PKHD1: variants seen among roughly 807,000 people sequenced by gnomAD.
PKHD1 encodes the protein PKHD1 ciliary IPT domain containing fibrocystin/polyductin.
Under a neutral mutation model 412.0 loss-of-function variants are expected in PKHD1, and 291 were observed. The ratio of observed to expected loss-of-function variants is 0.71; its 90% CI spans 0.64 to 0.78. The LOEUF is 0.78. Ranked by LOEUF, PKHD1 falls within the 30% of genes least tolerant of loss-of-function variation. PKHD1 has a pLI of 0.00. For missense variants in PKHD1, 4,825 were observed against 4,950.7 expected (o/e 0.97, Z 0.76); for synonymous variants, 1,777 against 1,821.5 (o/e 0.98, Z 0.62).
intron 60 of PKHD1, among the ~76,000 whole-genome samples, chr6:51,663,517 A>G (rs1366635653): frequency 1.3e-5 from 2 of 152,174 alleles, no homozygotes; most frequent in Admixed American, 6.5e-5. Context: ...CTTAAGGGTT[A>G]TCTCTTCAGG....
intron 50 of PKHD1, among the ~76,000 whole-genome samples, chr6:51,837,524 T>C (rs995250598): frequency 1.5e-4 from 23 of 152,082 alleles, no homozygotes; most frequent in African/African-American, 5.5e-4. Flanking sequence ...CTGGCCAACA[T>C]GGTAAAACCC....
At chr6:51,639,729 T>C (rs188599685) in intron 63 of PKHD1, among the ~76,000 whole-genome samples, 3 of 152,344 alleles carry the variant, frequency 2.0e-5, no homozygotes, top group Admixed American at 2.0e-4. Flanking sequence ...TAAATTATTT[T>C]CCTAATTAAC....
chr6:51,828,757 G>A lies in PKHD1; in HGVS notation c.8302+2104C>T, dbSNP rs549170762. Among the ~76,000 whole-genome samples the A allele has an allele frequency of 3.3e-5, 5 of 152,108 alleles. No individual in the cohort carries two copies. In the South Asian group the frequency reaches 1.0e-3, roughly 32 times the overall value. ...CAGGAAAAGGTGGAGAGTTCAGAGAGAGACAAAACCACAAGCAGAAAACAA... is the reference window on the plus strand; with the variant it reads ...CAGGAAAAGGTGGAGAGTTCAGAGAAAGACAAAACCACAAGCAGAAAACAA... On this transcript the variant is annotated intron_variant, in intron 52 of 66. Coordinates refer to ENST00000371117, the MANE Select transcript of PKHD1 (RefSeq NM_138694.4).
chr6:51,739,573 T>C (rs1266546039), intron 60 of PKHD1, among the ~76,000 whole-genome samples: 1 of 152,184 alleles, frequency 6.6e-6, no homozygotes, highest in Non-Finnish European at 1.5e-5. Context: ...CTGGAATTTT[T>C]ATTTGTTTAT....
chr6:51,641,120 A>G (rs1769289039), intron 63 of PKHD1, among the ~76,000 whole-genome samples: 1 of 152,210 alleles, frequency 6.6e-6, no homozygotes. Flanking sequence ...TTTCAATCAC[A>G]TAAAATAGGG....
intron 32 of PKHD1, 45 bp from the exon 33 acceptor site, chr6:52,022,989 C>G: frequency 6.2e-7 from 1 of 1,609,518 alleles, no homozygotes; most frequent in Non-Finnish European, 8.5e-7. Context: ...AGGCAAATCT[C>G]CCTTCTTTAC....
chr6:51,886,005 T>C, intron 44 of PKHD1, 33 bp from the exon 45 acceptor site: 1 of 1,225,408 alleles, frequency 8.2e-7, no homozygotes, highest in South Asian at 1.2e-5. Flanking sequence ...ATTAAGCCAA[T>C]TTTTATGTTT....
At chr6:51,750,161 C>T (rs1022651254) in intron 57 of PKHD1, among the ~76,000 whole-genome samples, 7 of 152,122 alleles carry the variant, frequency 4.6e-5, no homozygotes, top group Non-Finnish European at 1.0e-4. Flanking sequence ...GGAACCTATA[C>T]GTCTACTTGG....
At chr6:51,745,216 A>G (rs1785042399) in intron 59 of PKHD1, among the ~76,000 whole-genome samples, 2 of 152,208 alleles carry the variant, frequency 1.3e-5, no homozygotes, top group Non-Finnish European at 2.9e-5. Flanking sequence ...TTAATATCAC[A>G]TAGTACTATG....
At chr6:51,622,876 T>C (rs1766800533) in intron 66 of PKHD1, 1 of 152,082 alleles carries the variant, frequency 6.6e-6, no homozygotes, top group Non-Finnish European at 1.5e-5. Flanking sequence ...TTATAAACTG[T>C]TTTCCTTTAT....
chr6:51,912,027 G>T, intron 38 of PKHD1, 71 bp from the exon 39 acceptor site: 2 of 1,175,992 alleles, frequency 1.7e-6, no homozygotes, highest in Non-Finnish European at 2.5e-6. Flanking sequence ...TAAGCCACTA[G>T]ATTAACATAA....
At chr6:51,766,117 T>C (rs1028541552) in intron 55 of PKHD1, among the ~76,000 whole-genome samples, 3 of 152,132 alleles carry the variant, frequency 2.0e-5, no homozygotes, top group African/African-American at 7.2e-5. Context: ...ATATTATATC[T>C]CCAGATCATA....
intron 60 of PKHD1, among the ~76,000 whole-genome samples, chr6:51,711,653 T>C (rs1780674379): frequency 6.6e-6 from 1 of 151,922 alleles, no homozygotes; most frequent in Non-Finnish European, 1.5e-5. Flanking sequence ...GGATTTATAA[T>C]GAAAAAGAGT....
intron 36 of PKHD1, among the ~76,000 whole-genome samples, chr6:51,953,139 G>A (rs951622417): frequency 6.6e-6 from 1 of 152,050 alleles, no homozygotes; most frequent in Non-Finnish European, 1.5e-5. Context: ...CTTCTGGCTT[G>A]AAGGGTAGCT....
In PKHD1 at chr6:51,639,444, C is replaced by A. The variant is rs181454675; in HGVS notation, c.11399-488G>T. Reference sequence around the variant, plus strand: ...TTCTACAGTCTGTCTTTCTTCTATCCAAGTTATCTATAGTTTATGTGGTAC... The same window carrying A: ...TTCTACAGTCTGTCTTTCTTCTATCAAAGTTATCTATAGTTTATGTGGTAC... On this transcript the variant is annotated intron_variant, in intron 63 of 66. Coordinates refer to ENST00000371117, the MANE Select transcript of PKHD1 (RefSeq NM_138694.4). Among the ~76,000 whole-genome samples, 141 of 151,884 alleles carry A rather than the reference C, an allele frequency of 9.3e-4. 2 individuals carry two copies. Among genetic ancestry groups the A allele is most frequent in the Admixed American group, 7.6e-3 (116 of 15,224 alleles).
intron 47 of PKHD1, 117 bp downstream of exon 47, chr6:51,870,387 C>T: frequency 1.1e-6 from 1 of 918,200 alleles, no homozygotes; most frequent in Non-Finnish European, 1.8e-6. Flanking sequence ...ACAGTTTCTA[C>T]TGATGCAATC....
rs565050113 is a variant in PKHD1, at chr6:51,921,149, T to A, written c.6122-8573A>T. On this transcript the variant is annotated intron_variant, in intron 37 of 66. Transcript: ENST00000371117. ...CAGTTTTCCTCTGATCTTAGTGATT[T>A]CTTGCCTTCTGCTAGCTTTTGAATG... 3.9e-5 allele frequency among the ~76,000 whole-genome samples: 6 copies of A among 152,364 alleles called. No homozygotes were observed. The South Asian group carries it at 1.2e-3, about 32-fold the overall frequency.
At chr6:51,703,573 T>C (rs932258933) in intron 60 of PKHD1, among the ~76,000 whole-genome samples, 1 of 151,960 alleles carries the variant, frequency 6.6e-6, no homozygotes, top group Non-Finnish European at 1.5e-5. Flanking sequence ...GGGGAATAAC[T>C]ATAATTTTAT....
intron 50 of PKHD1, among the ~76,000 whole-genome samples, chr6:51,839,937 CA>C (rs990321269): frequency 6.6e-6 from 1 of 151,994 alleles, no homozygotes; most frequent in African/African-American, 2.4e-5. Flanking sequence ...CACCCTGACT[CA>C]TGACTTCTCT....
Sources: gnomAD v4.1 joint callset for allele counts (sites outside exome capture counted in the v4.1 genomes callset) on GRCh38, gnomAD v4.1.1 for gene constraint, MANE v1.5 for transcripts, NCBI Gene and HGNC (gene_info 2026-07-23, HGNC 2026-07-21) for gene names.